ANK3: variants seen among roughly 807,000 people sequenced by gnomAD.
ANK3 encodes the protein ankyrin-3.
In ANK3, 57 loss-of-function variants were observed where a neutral mutation model predicts 370.9. The observed-to-expected ratio is 0.15, with a 90% CI of 0.12 to 0.19. ANK3 has a LOEUF of 0.19. ANK3 is among the 10% of genes least tolerant of loss of function. ANK3 has a pLI of 1.00. For synonymous variants in ANK3, 1,929 were observed against 1,946.3 expected (o/e 0.99, Z 0.23); for missense variants, 4,439 against 5,302.1 (o/e 0.84, Z 5.06).
intron 40 of ANK3, among the ~76,000 whole-genome samples, chr10:60,061,645 T>C (rs1320852302): frequency 6.6e-6 from 1 of 152,172 alleles, no homozygotes. Context: ...TTCTATGGTC[T>C]TTATAAACTT....
chr10:60,052,142 C>T (rs955037910), intron 42 of ANK3, among the ~76,000 whole-genome samples: 4 of 152,250 alleles, frequency 2.6e-5, no homozygotes, highest in East Asian at 1.9e-4. Flanking sequence ...GGGTGGATCA[C>T]TTGAGGTCAG....
rs1413413599 is a variant in ANK3, at chr10:60,027,135, AT to A, written c.*2710del. ...AATTTTTGGGCATATAAACACAACT[AT>A]TTAATACCTAAACAGGTATACATCA... On this transcript the variant is annotated 3_prime_UTR_variant, in exon 44 of 44. Coordinates refer to ENST00000280772, the MANE Select transcript of ANK3 (RefSeq NM_020987.5). 6.6e-6 allele frequency: 1 copy of A among 152,104 alleles called. No individual in the cohort carries two copies. Among genetic ancestry groups the A allele is most frequent in the African/African-American group, 2.4e-5 (1 of 41,398 alleles). The allele number at this position is 152,104 out of a possible 1,614,324, so 9.4% of individuals were successfully genotyped here.
intron 1 of ANK3, among the ~76,000 whole-genome samples, chr10:60,380,709 G>T (rs1328719447): frequency 1.3e-5 from 2 of 151,984 alleles, no homozygotes; most frequent in African/African-American, 4.8e-5. Flanking sequence ...AGACCTTCCT[G>T]CAATAAAAAA....
chr10:60,224,792 G>GA (rs1184195851), intron 8 of ANK3, among the ~76,000 whole-genome samples: 2 of 151,732 alleles, frequency 1.3e-5, no homozygotes, highest in Non-Finnish European at 2.9e-5. Flanking sequence ...TGAAAACAAT[G>GA]AAAAAAATGT....
At chr10:60,166,505 C>G (rs187144039) in intron 23 of ANK3, 86 bp downstream of exon 23, 103 of 1,055,548 alleles carry the variant, frequency 9.8e-5, no homozygotes, top group Admixed American at 1.3e-4. Context: ...GTTAGTAACT[C>G]AAGGAAATAT....
intron 33 of ANK3, 97 bp from the exon 34 acceptor site, chr10:60,082,834 T>C: frequency 2.9e-6 from 4 of 1,373,182 alleles, no homozygotes; most frequent in Non-Finnish European, 3.0e-6. Flanking sequence ...TCAAGCCCTA[T>C]GAGAGGCAGG....
At chr10:60,083,817 T>C (rs556467751) in intron 32 of ANK3, 200 bp from the exon 33 acceptor site, 9 of 509,582 alleles carry the variant, frequency 1.8e-5, no homozygotes, top group Admixed American at 3.9e-5. Flanking sequence ...ATCCATATCA[T>C]GGACATATAC....
rs2078252531 is a variant in ANK3 at position 60,615,269 on chromosome 10, C to A, written c.58-45G>T. On this transcript the variant is annotated intron_variant, in intron 1 of 43. Coordinates refer to the ANK3 transcript ENST00000373827. ...AACATTTAGCAAACATGAAAGAATT[C>A]CATATATTTACCATGACGGTGATTT... The A allele has an allele frequency of 2.9e-6, 4 of 1,385,004 alleles. No homozygotes were observed. The African/African-American group carries it at 5.9e-5, about 20-fold the overall frequency. The allele number at this position is 1,385,004 out of a possible 1,614,324, so 85.8% of individuals were successfully genotyped here. A position where few individuals can be genotyped will look rare whatever the true frequency, so the allele number is the denominator to read the frequency against.
chr10:60,289,102 G>A (rs2040716621), intron 1 of ANK3, among the ~76,000 whole-genome samples: 1 of 152,052 alleles, frequency 6.6e-6, no homozygotes, highest in South Asian at 2.1e-4. Context: ...AGAAGACCTA[G>A]GGGGGCTAGC....
At chr10:60,067,249 CAT>C (rs1337693179) in intron 38 of ANK3, among the ~76,000 whole-genome samples, 14 of 152,104 alleles carry the variant, frequency 9.2e-5, no homozygotes, top group African/African-American at 2.7e-4. Context: ...ACATGTTTAT[CAT>C]ATTTTAAAAA....
chr10:60,659,445 T>C (rs1435723418), intron 1 of ANK3, among the ~76,000 whole-genome samples: 1 of 152,144 alleles, frequency 6.6e-6, no homozygotes, highest in East Asian at 1.9e-4. Context: ...TTCTCATTTT[T>C]AATTATTACT....
intron 2 of ANK3, among the ~76,000 whole-genome samples, chr10:60,436,410 A>G (rs981250282): frequency 1.3e-5 from 2 of 152,254 alleles, no homozygotes; most frequent in Non-Finnish European, 2.9e-5. Flanking sequence ...AAGTGGCTGC[A>G]CTATTTTACA....
chr10:60,313,399 C>T (rs1188362385), intron 1 of ANK3, among the ~76,000 whole-genome samples: 1 of 152,168 alleles, frequency 6.6e-6, no homozygotes, highest in Non-Finnish European at 1.5e-5. Context: ...CCTCACTTGA[C>T]TCAAGTATGT....
At chr10:60,401,737 T>A (rs986877944) in intron 2 of ANK3, among the ~76,000 whole-genome samples, 3 of 152,242 alleles carry the variant, frequency 2.0e-5, no homozygotes, top group Non-Finnish European at 4.4e-5. Flanking sequence ...TGTCATTTTT[T>A]AAACCAGTCC....
chr10:60,240,306 ATT>A (rs1555186003), intron 7 of ANK3, among the ~76,000 whole-genome samples: 2,436 of 119,736 alleles, frequency 0.02, 94 homozygotes, highest in Middle Eastern at 0.037. Context: ...ATATATATAT[ATT>A]TTTTTTTCTT....
chr10:60,120,447 AG>A (rs549030278), intron 25 of ANK3, among the ~76,000 whole-genome samples: 139 of 152,208 alleles, frequency 9.1e-4, no homozygotes, highest in Admixed American at 1.9e-3. Flanking sequence ...CAGGCAACCA[AG>A]GCAAAAATAG....
intron 1 of ANK3, among the ~76,000 whole-genome samples, chr10:60,358,141 CA>C (rs1400924630): frequency 4.6e-4 from 69 of 150,850 alleles, no homozygotes; most frequent in African/African-American, 1.7e-3. Flanking sequence ...CACACACACA[CA>C]CCCAAAACTT....
At position 60,075,832 on chromosome 10, in the gene ANK3, T is replaced by C. The variant is rs1346570682; in HGVS notation, c.5049A>G (p.Lys1683=). The C allele has an allele frequency of 6.2e-7, 1 of 1,614,058 alleles. No homozygotes were observed. Among genetic ancestry groups the C allele is most frequent in the Non-Finnish European group, 8.5e-7 (1 of 1,179,882 alleles). The part of the protein sequence containing the change: ...SPLKSVVSPV[K]SAVDVISSAK... ...CTGATGAAATGACATCAACTGCTGA[T>C]TTAACTGGAGACACCACTGACTTTA... The change falls in exon 37 of 44, where the codon AAA becomes AAG. Residue 1683 remains lysine (K), a synonymous_variant. Transcript: ENST00000280772.
At chr10:60,534,658 G>A (rs1488532877) in intron 2 of ANK3, among the ~76,000 whole-genome samples, 2 of 152,074 alleles carry the variant, frequency 1.3e-5, no homozygotes, top group East Asian at 1.9e-4. Context: ...AAGCTTGTCA[G>A]TTCTACCTGA....
Sources: gnomAD v4.1 joint callset for allele counts (sites outside exome capture counted in the v4.1 genomes callset) on GRCh38, gnomAD v4.1.1 for gene constraint, MANE v1.5 for transcripts, NCBI Gene and HGNC (gene_info 2026-07-23, HGNC 2026-07-21) for gene names.